SMCHD1: variants seen among roughly 807,000 people sequenced by gnomAD.
SMCHD1 encodes the protein structural maintenance of chromosomes flexible hinge domain-containing protein 1.
Under a neutral mutation model 254.7 loss-of-function variants are expected in SMCHD1, and 78 were observed. That is an observed-to-expected ratio of 0.31 (90% CI 0.26 to 0.37). The LOEUF is 0.37. SMCHD1 is among the 10% of genes least tolerant of loss of function. The probability of loss-of-function intolerance (pLI) is 1.00; values close to 1 mark genes in which losing one functional copy is unlikely to be tolerated. For synonymous variants in SMCHD1, 766 were observed against 794.9 expected, an observed-to-expected ratio of 0.96 and a Z score of 0.61; for missense variants, 1,840 against 2,408.1, an observed-to-expected ratio of 0.76 and a Z score of 4.94.
chr18:2,661,645 C>T (rs1287694033), intron 1 of SMCHD1, among the ~76,000 whole-genome samples: 2 of 152,000 alleles, frequency 1.3e-5, no homozygotes, highest in Non-Finnish European at 2.9e-5. Context: ...GAACTATTTG[C>T]TCCAGTGCAG....
rs752805508 is a variant in SMCHD1, at chr18:2,656,302, G to A, written c.186+41G>A. ...AGGAAGGGATGCGCGTGTAGACTTG[G>A]GGGCGGGAGGGTGATGAGAAACTCA... is the stretch of plus-strand genomic sequence containing the variant. On this transcript the variant is annotated intron_variant, in intron 1 of 47. Transcript: ENST00000320876. 9.2e-6 allele frequency: 13 copies of A among 1,414,512 alleles called. No homozygotes were observed. The East Asian group carries it at 2.2e-4, about 24-fold the overall frequency. 87.6% of individuals were successfully genotyped at this position (1,414,512 alleles called of 1,614,324 possible).
intron 21 of SMCHD1, among the ~76,000 whole-genome samples, chr18:2,725,633 A>G (rs2075012705): frequency 6.6e-6 from 1 of 151,926 alleles, no homozygotes; most frequent in Admixed American, 6.6e-5. Flanking sequence ...TTAAATATTT[A>G]AAAATTTTCC....
intron 45 of SMCHD1, among the ~76,000 whole-genome samples, chr18:2,786,644 A>T (rs2076245263): frequency 6.6e-6 from 1 of 152,128 alleles, no homozygotes; most frequent in African/African-American, 2.4e-5. Context: ...GTGAGCCGAG[A>T]TTGTGCCATT....
chr18:2,736,567 A>G (rs2075253563), intron 25 of SMCHD1, among the ~76,000 whole-genome samples: 1 of 151,988 alleles, frequency 6.6e-6, no homozygotes, highest in East Asian at 1.9e-4. Context: ...AAACAACCCC[A>G]TTTAAAAAAT....
chr18:2,779,176 A>G (rs1421710604), intron 44 of SMCHD1: 1 of 148,888 alleles, frequency 6.7e-6, no homozygotes, highest in Non-Finnish European at 1.5e-5. Flanking sequence ...ATAACACTCT[A>G]AATTGTAAGT....
At chr18:2,717,122 C>G (rs913174515) in intron 17 of SMCHD1, among the ~76,000 whole-genome samples, 7 of 152,122 alleles carry the variant, frequency 4.6e-5, no homozygotes, top group African/African-American at 1.4e-4. Context: ...GACTTAGGAT[C>G]GGGAATGGCT....
intron 24 of SMCHD1, among the ~76,000 whole-genome samples, chr18:2,730,703 G>A (rs1372453579): frequency 2.0e-5 from 3 of 152,118 alleles, no homozygotes; most frequent in Non-Finnish European, 4.4e-5. Flanking sequence ...AATCTAATTG[G>A]TTGATTAACT....
chr18:2,731,239 A>C (rs1394527864), intron 24 of SMCHD1, among the ~76,000 whole-genome samples: 1 of 152,266 alleles, frequency 6.6e-6, no homozygotes, highest in East Asian at 1.9e-4. Flanking sequence ...GGAAGGAGAC[A>C]TGAGTTAAGT....
At chr18:2,666,687 G>A (rs1160763302) in intron 2 of SMCHD1, among the ~76,000 whole-genome samples, 183 bp from the exon 3 acceptor site, 1 of 152,198 alleles carries the variant, frequency 6.6e-6, no homozygotes, top group African/African-American at 2.4e-5. Flanking sequence ...ATGAATGGAA[G>A]GAAGTATTTG....
chr18:2,660,615 AG>A (rs1166700966), intron 1 of SMCHD1, among the ~76,000 whole-genome samples: 1 of 151,852 alleles, frequency 6.6e-6, no homozygotes, highest in East Asian at 1.9e-4. Context: ...CTGGGATTAC[AG>A]GCACCAGCCG....
rs397825044 is a variant in SMCHD1, at chr18:2,682,314, CTTT to C, written c.639-6067_639-6065del. ...ATAACTTTTTCTTTTCTTTCTTCTT[CTTT>C]TTTTTTTTTTTTCCTTTTTCTTTTT... On this transcript the variant is annotated intron_variant, in intron 5 of 47. Transcript: ENST00000320876. Among the ~76,000 whole-genome samples the C allele has an allele frequency of 3.0e-3, 440 of 145,562 alleles. 2 individuals are homozygous for C. In the Middle Eastern group the frequency reaches 0.046, roughly 15 times the overall value.
intron 37 of SMCHD1, among the ~76,000 whole-genome samples, chr18:2,766,240 G>T (rs777140919): frequency 6.6e-6 from 1 of 152,142 alleles, no homozygotes; most frequent in Non-Finnish European, 1.5e-5. Flanking sequence ...TGATCCACCC[G>T]CCTCGGCCTC....
At position 2,769,896 on chromosome 18, in the gene SMCHD1, ACTTGG is replaced by A. The variant is rs1231833165; in HGVS notation, c.4846+77_4846+81del. ...GATAACCTTGTTTTGCTTTCCATTA[ACTTGG>A]TGTTTATTAGCTATCTAACCACTTT... is the stretch of plus-strand genomic sequence containing the variant. On this transcript the variant is annotated intron_variant, in intron 38 of 47. Coordinates refer to ENST00000320876, the MANE Select transcript of SMCHD1 (RefSeq NM_015295.3). 53 of 1,544,292 alleles carry A rather than the reference ACTTGG, an allele frequency of 3.4e-5. No individual in the cohort carries two copies. The Middle Eastern group carries it at 7.0e-4, about 20-fold the overall frequency.
At chr18:2,706,567 C>T in intron 15 of SMCHD1, 97 bp downstream of exon 15, 1 of 785,414 alleles carries the variant, frequency 1.3e-6, no homozygotes, top group South Asian at 1.8e-5. Context: ...GCTGTTAGGG[C>T]ATTTGTAGTC....
intron 5 of SMCHD1, among the ~76,000 whole-genome samples, chr18:2,677,153 A>T (rs1212823348): frequency 1.5e-4 from 5 of 33,748 alleles, no homozygotes; most frequent in Admixed American, 5.1e-4. Context: ...ATGAACATTT[A>T]AAAACATACA....
At chr18:2,711,665 G>C (rs2143302897) in intron 17 of SMCHD1, among the ~76,000 whole-genome samples, 1 of 151,356 alleles carries the variant, frequency 6.6e-6, no homozygotes, top group African/African-American at 2.4e-5. Flanking sequence ...TGTATTTTTA[G>C]TAGAGACGGG....
chr18:2,783,430 T>A (rs558573827), intron 44 of SMCHD1, among the ~76,000 whole-genome samples: 28 of 152,320 alleles, frequency 1.8e-4, no homozygotes, highest in African/African-American at 6.3e-4. Flanking sequence ...AAAAATATCT[T>A]ATTTGAATTC....
In SMCHD1 at chr18:2,707,873, A is replaced by T; in HGVS notation, c.2213A>T (p.His738Leu). Residue 738 changes from histidine to leucine, a missense_variant, in exon 17 of 48, where the codon CAT becomes CTT. This residue lies in a region of SMCHD1 where 498 missense variants were observed against 743.5 expected (regional missense o/e 0.67). Transcript: ENST00000320876. Reference protein sequence around the residue: ...EAMQKLPGTSHGGSKKLLVEL... With the variant: ...EAMQKLPGTSLGGSKKLLVEL... ...ATGCAAAAGCTTCCAGGAACAAGCC[A>T]TGGAGGGTCAAAGAAACTCCTGGTT... 1 of 1,608,686 alleles carries T rather than the reference A, an allele frequency of 6.2e-7. No homozygotes were observed. The highest frequency in any genetic ancestry group is 8.5e-7 in the Non-Finnish European group (1 of 1,177,524).
rs1286702251 is a variant in SMCHD1, at chr18:2,768,785, AAAG to A, written c.4720-908_4720-906del. Among the ~76,000 whole-genome samples, 10 of 151,176 alleles carry A rather than the reference AAAG, an allele frequency of 6.6e-5. No homozygotes were observed. In the East Asian group the frequency reaches 1.7e-3, roughly 26 times the overall value. On this transcript the variant is annotated intron_variant, in intron 37 of 47. Transcript: ENST00000320876. Reference sequence around the variant, plus strand: ...AATCGAGTGCTGAAAGCAAGTTGCTAAAGTATATGTTACTTATTTTTAAAATGC... The same window carrying A: ...AATCGAGTGCTGAAAGCAAGTTGCTATATATGTTACTTATTTTTAAAATGC...
Sources: allele counts gnomAD v4.1 joint callset (sites outside exome capture counted in the v4.1 genomes callset), GRCh38; gene constraint gnomAD v4.1.1; regional missense constraint gnomAD v4.1.1; transcripts MANE v1.5; gene names NCBI Gene and HGNC (gene_info 2026-07-23, HGNC 2026-07-21).